DNAJC15: variants seen among roughly 807,000 people sequenced by gnomAD.
DNAJC15 encodes DnaJ heat shock protein family (Hsp40) member C15, also known as dnaJ homolog subfamily C member 15.
DNAJC15 carries 27 observed loss-of-function variants against 22.4 expected under a neutral mutation model. The ratio of observed to expected loss-of-function variants is 1.20; its 90% CI spans 0.89 to 1.66. The LOEUF (loss-of-function observed/expected upper bound fraction) is 1.66. Ranked by LOEUF, DNAJC15 falls within the 40% of genes most tolerant of loss-of-function variation. DNAJC15 has a pLI of 0.00. For synonymous variants in DNAJC15, 79 were observed against 63.2 expected (o/e 1.25, Z -1.19); for missense variants, 208 against 187.1 (o/e 1.11, Z -0.65).
intron 1 of DNAJC15, among the ~76,000 whole-genome samples, chr13:43,024,874 C>CA (rs1402936626): frequency 1.1e-5 from 1 of 94,344 alleles, no homozygotes; most frequent in African/African-American, 4.3e-5. Context: ...CTGGGCAACA[C>CA]AGGAGACCCC....
At chr13:43,062,292 G>A (rs1463524681) in intron 1 of DNAJC15, among the ~76,000 whole-genome samples, 1 of 152,172 alleles carries the variant, frequency 6.6e-6, no homozygotes, top group African/African-American at 2.4e-5. Flanking sequence ...AAGAAACAAG[G>A]CAGGTAAGAA....
intron 5 of DNAJC15, among the ~76,000 whole-genome samples, chr13:43,092,086 G>A (rs2040717761): frequency 6.6e-6 from 1 of 152,146 alleles, no homozygotes; most frequent in African/African-American, 2.4e-5. Context: ...TGTTAAGATA[G>A]GGGTAAAACC....
At chr13:43,098,297 A>T (rs1049053795) in intron 5 of DNAJC15, among the ~76,000 whole-genome samples, 1 of 152,214 alleles carries the variant, frequency 6.6e-6, no homozygotes, top group Admixed American at 6.5e-5. Context: ...GGAAGTTGGT[A>T]GAACAGGGTA....
chr13:43,032,834 A>G (rs578250186), intron 1 of DNAJC15, among the ~76,000 whole-genome samples: 5 of 152,278 alleles, frequency 3.3e-5, no homozygotes, highest in South Asian at 4.1e-4. Context: ...CAACAACAAC[A>G]AAAAGAAGTA....
At chr13:43,106,935 T>A (rs1488167995) in intron 5 of DNAJC15, among the ~76,000 whole-genome samples, 2 of 152,064 alleles carry the variant, frequency 1.3e-5, no homozygotes, top group African/African-American at 4.8e-5. Context: ...GTTCAAGTTA[T>A]TCCTGATTAT....
intron 3 of DNAJC15, among the ~76,000 whole-genome samples, chr13:43,078,348 AC>A (rs1307340532): frequency 6.6e-6 from 1 of 152,232 alleles, no homozygotes; most frequent in Non-Finnish European, 1.5e-5. Context: ...TTTTGCTTCT[AC>A]CAGTCTGTTT....
At chr13:43,050,531 T>C (rs967559444) in intron 1 of DNAJC15, among the ~76,000 whole-genome samples, 4 of 151,856 alleles carry the variant, frequency 2.6e-5, no homozygotes, top group Non-Finnish European at 5.9e-5. Context: ...CTAAATCAGT[T>C]CTCCCATCTC....
In DNAJC15 at chr13:43,068,956, C is replaced by G. The variant is rs757102808; in HGVS notation, c.187C>G (p.Pro63Ala). The change falls in exon 3 of 6, where the codon CCT (proline) becomes GCT (alanine). Residue 63 changes from proline (P) to alanine (A), a missense_variant. Transcript: ENST00000379221. ...AGRYAFRIWK[P>A]LEQVITETAK... The stretch of plus-strand genomic sequence containing the variant: ...TCGCTACGCATTTCGGATCTGGAAA[C>G]CTCTAGAACAAGTTATCACAGAAAC... 1.2e-6 allele frequency: 2 copies of G among 1,613,000 alleles called. No homozygotes were observed. Among genetic ancestry groups the G allele is most frequent in the East Asian group, 4.5e-5 (2 of 44,746 alleles).
At chr13:43,037,047 T>C (rs1593310146) in intron 1 of DNAJC15, among the ~76,000 whole-genome samples, 2 of 152,176 alleles carry the variant, frequency 1.3e-5, no homozygotes, top group South Asian at 4.1e-4. Context: ...AGCTGATAGG[T>C]GGCTGGCCTC....
At position 43,106,798 on chromosome 13, in the gene DNAJC15, T is replaced by TA. The variant is rs201783442; in HGVS notation, c.383-367dup. On this transcript the variant is annotated intron_variant, in intron 5 of 5. Coordinates refer to ENST00000379221, the MANE Select transcript of DNAJC15 (RefSeq NM_013238.3). ...CCGTTTTCACAGATGAATGTGTCTT[T>TA]AAAAAAAAAAAAACAGTCATGGAAA... is the stretch of plus-strand genomic sequence containing the variant. 5.0e-3 allele frequency among the ~76,000 whole-genome samples: 722 copies of TA among 144,390 alleles called. 4 individuals carry two copies. The highest frequency in any genetic ancestry group is 0.011 in the African/African-American group (434 of 39,396). The allele number at this position is 144,390 out of a possible 152,430, so 94.7% of individuals were successfully genotyped here.
intron 5 of DNAJC15, among the ~76,000 whole-genome samples, chr13:43,104,264 A>G (rs2040785003): frequency 6.6e-6 from 1 of 151,986 alleles, no homozygotes; most frequent in African/African-American, 2.4e-5. Context: ...TAGATTAAAC[A>G]TGTCTTTTCT....
chr13:43,109,563 T>A lies in DNAJC15; in HGVS notation c.*2315T>A, dbSNP rs538521228. The A allele has an allele frequency of 1.3e-5, 2 of 152,326 alleles. No individual in the cohort carries two copies. The highest frequency in any genetic ancestry group is 3.9e-4 in the East Asian group (2 of 5,192). The allele number at this position is 152,326 out of a possible 1,614,324, so 9.4% of individuals were successfully genotyped here. ...AGCATTAGCTTGGAATTTCCTTATT[T>A]CCCATTTGCTTTGCAGGTGCCTTGG... On this transcript the variant is annotated 3_prime_UTR_variant, in exon 6 of 6. Coordinates refer to ENST00000379221, the MANE Select transcript of DNAJC15 (RefSeq NM_013238.3).
At chr13:43,089,205 A>G (rs2040702997) in intron 5 of DNAJC15, among the ~76,000 whole-genome samples, 1 of 152,218 alleles carries the variant, frequency 6.6e-6, no homozygotes, top group Non-Finnish European at 1.5e-5. Context: ...TTGATAGGAA[A>G]CAACCTGACA....
intron 5 of DNAJC15, among the ~76,000 whole-genome samples, chr13:43,103,765 G>T (rs535346151): frequency 1.3e-5 from 2 of 151,994 alleles, no homozygotes; most frequent in Admixed American, 6.6e-5. Context: ...TAGATTTGTG[G>T]GTTTTTCCTT....
chr13:43,094,222 C>A (rs1444639119), intron 5 of DNAJC15, among the ~76,000 whole-genome samples: 1 of 151,070 alleles, frequency 6.6e-6, no homozygotes, highest in Non-Finnish European at 1.5e-5. Flanking sequence ...TTTGTAACGT[C>A]ATTCATTGGT....
chr13:43,063,020 T>C (rs995189503), intron 1 of DNAJC15, among the ~76,000 whole-genome samples: 3 of 151,646 alleles, frequency 2.0e-5, no homozygotes, highest in African/African-American at 7.3e-5. Flanking sequence ...CACCCAGCCT[T>C]TATTTTTTGA....
intron 1 of DNAJC15, among the ~76,000 whole-genome samples, chr13:43,054,101 GT>G (rs1157459959): frequency 2.0e-5 from 3 of 152,116 alleles, no homozygotes; most frequent in African/African-American, 7.3e-5. Context: ...TTTGCTGAGA[GT>G]TTTAATCATG....
chr13:43,075,883 CT>C (rs535742348), intron 3 of DNAJC15, among the ~76,000 whole-genome samples: 151 of 152,266 alleles, frequency 9.9e-4, no homozygotes, highest in African/African-American at 3.4e-3. Flanking sequence ...AGGCTGGTCT[CT>C]AACTGACCTG....
rs1156985306 is a variant in DNAJC15 at position 43,108,207 on chromosome 13, GAA to G, written c.*963_*964del. The G allele has an allele frequency of 6.6e-6, 1 of 152,210 alleles. No individual in the cohort carries two copies. The highest frequency in any genetic ancestry group is 1.5e-5 in the Non-Finnish European group (1 of 67,984). 9.4% of individuals were successfully genotyped at this position (152,210 alleles called of 1,614,324 possible). On this transcript the variant is annotated 3_prime_UTR_variant, in exon 6 of 6. Coordinates refer to ENST00000379221, the MANE Select transcript of DNAJC15 (RefSeq NM_013238.3). ...TGGCATAGAGCTAGGCTTTAGAAAA[GAA>G]AAATATTCCGATACCATATGATTGG...
Sources: gnomAD v4.1 joint callset for allele counts (sites outside exome capture counted in the v4.1 genomes callset) on GRCh38, gnomAD v4.1.1 for gene constraint, MANE v1.5 for transcripts, NCBI Gene and HGNC (gene_info 2026-07-23, HGNC 2026-07-21) for gene names.